TMOD3: variants seen among roughly 807,000 people sequenced by gnomAD.
TMOD3 encodes tropomodulin-3.
A neutral mutation model predicts 39.2 loss-of-function variants in TMOD3; 20 were observed. That is an observed-to-expected ratio of 0.51 (90% CI 0.36 to 0.74). The LOEUF (loss-of-function observed/expected upper bound fraction) is 0.74, where lower values mean the gene tolerates loss of function less well. TMOD3 is among the 30% of genes least tolerant of loss of function. The pLI, the probability that TMOD3 is intolerant of heterozygous loss-of-function variation, is 0.00. For synonymous variants in TMOD3, 143 were observed against 145.8 expected (o/e 0.98, Z 0.14); for missense variants, 381 against 412.8 (o/e 0.92, Z 0.67).
intron 9 of TMOD3, among the ~76,000 whole-genome samples, chr15:51,905,300 C>T (rs1352403329): frequency 1.3e-5 from 2 of 152,100 alleles, no homozygotes; most frequent in African/African-American, 4.8e-5. Context: ...GAGTTTGAGA[C>T]CAGCCTGGCC....
At position 51,896,430 on chromosome 15, in the gene TMOD3, T is replaced by A. The variant is rs1196308404; in HGVS notation, c.639T>A (p.Ile213=). 1 of 1,610,918 alleles carries A rather than the reference T, an allele frequency of 6.2e-7. No individual in the cohort carries two copies. ...VNLNNIKNIP[I]PTLKDFAKAL... The stretch of plus-strand genomic sequence containing the variant: ...TATTGTCTTTCAAGAATATCCCAAT[T>A]CCAACCCTAAAAGATTTTGCAAAGG... Residue 213 remains isoleucine (I), a synonymous_variant, in exon 7 of 10, where the codon ATT becomes ATA. Coordinates refer to ENST00000308580, the MANE Select transcript of TMOD3 (RefSeq NM_014547.5).
chr15:51,868,586 G>A (rs561204203), intron 2 of TMOD3, among the ~76,000 whole-genome samples: 1 of 152,208 alleles, frequency 6.6e-6, no homozygotes, highest in East Asian at 1.9e-4. Flanking sequence ...TGTGGTATGT[G>A]GTTAATAAAA....
chr15:51,868,313 A>C (rs976965966), intron 2 of TMOD3, among the ~76,000 whole-genome samples: 44 of 130,976 alleles, frequency 3.4e-4, no homozygotes, highest in Admixed American at 7.3e-4. Context: ...TTTTAAAAAA[A>C]ACGTTTTAAG....
chr15:51,845,417 A>T (rs774900080), intron 1 of TMOD3, among the ~76,000 whole-genome samples: 1 of 152,200 alleles, frequency 6.6e-6, no homozygotes, highest in Non-Finnish European at 1.5e-5. Context: ...GCTCACCCTC[A>T]GTCTGATGCT....
chr15:51,839,441 G>C, intron 1 of TMOD3, among the ~76,000 whole-genome samples: 1 of 152,136 alleles, frequency 6.6e-6, no homozygotes, highest in East Asian at 1.9e-4. Context: ...AAATTGCTGG[G>C]ATTACAGAGG....
At chr15:51,862,310 C>T (rs2056423314) in intron 1 of TMOD3, among the ~76,000 whole-genome samples, 1 of 152,098 alleles carries the variant, frequency 6.6e-6, no homozygotes, top group African/African-American at 2.4e-5. Context: ...TTTTCAAATG[C>T]ATCTTTTCAA....
chr15:51,853,210 G>C (rs2436661), intron 1 of TMOD3, among the ~76,000 whole-genome samples: 67 of 151,914 alleles, frequency 4.4e-4, no homozygotes, highest in African/African-American at 1.5e-3. Context: ...TTTATTGTTT[G>C]TTTATTTTTA....
intron 5 of TMOD3, among the ~76,000 whole-genome samples, chr15:51,891,932 A>C (rs1383697126): frequency 6.6e-6 from 1 of 152,200 alleles, no homozygotes; most frequent in Non-Finnish European, 1.5e-5. Flanking sequence ...TCTCTTCTCA[A>C]CTTCTACAGG....
intron 1 of TMOD3, among the ~76,000 whole-genome samples, chr15:51,856,349 C>T (rs1384784994): frequency 6.6e-6 from 1 of 152,184 alleles, no homozygotes; most frequent in Admixed American, 6.5e-5. Context: ...TTTATTGAAG[C>T]AGAATTGAAA....
chr15:51,872,596 A>AATTG (rs1555386625), intron 3 of TMOD3, among the ~76,000 whole-genome samples: 2 of 107,436 alleles, frequency 1.9e-5, no homozygotes, highest in East Asian at 5.3e-4. Context: ...TGAGGACCAA[A>AATTG]TTTGTTTTTT....
At chr15:51,867,912 G>C (rs2570253) in intron 2 of TMOD3, among the ~76,000 whole-genome samples, 69,202 of 151,950 alleles carry the variant, frequency 0.46, 15,995 homozygotes, top group Admixed American at 0.53. Flanking sequence ...ACCTTCCACT[G>C]CACCTCCCTC....
intron 8 of TMOD3, chr15:51,901,223 G>T (rs932273742): frequency 5.9e-5 from 9 of 152,198 alleles, no homozygotes; most frequent in African/African-American, 2.2e-4. Context: ...TCCATTTGGG[G>T]TGTGTCCACA....
At chr15:51,832,804 A>G (rs1471600801) in intron 1 of TMOD3, among the ~76,000 whole-genome samples, 2 of 152,226 alleles carry the variant, frequency 1.3e-5, no homozygotes, top group Non-Finnish European at 2.9e-5. Flanking sequence ...GTAGAGGAAA[A>G]AAAGGCTTTT....
intron 9 of TMOD3, among the ~76,000 whole-genome samples, chr15:51,904,172 CATT>C (rs2056666436): frequency 1.3e-5 from 2 of 152,304 alleles, no homozygotes. Flanking sequence ...CTGAGTTCAT[CATT>C]GTTATACATC....
At position 51,914,031 on chromosome 15, in the gene TMOD3, AAAG is replaced by A. The variant is rs1233040292; in HGVS notation, c.*5223_*5225del. ...TCTTATCTCAAAAAAAAAAAAAAAA[AAAG>A]AGCTATACTCATAGTACTTTGGGAG... On this transcript the variant is annotated 3_prime_UTR_variant, in exon 10 of 10. Coordinates refer to ENST00000308580, the MANE Select transcript of TMOD3 (RefSeq NM_014547.5). 6.6e-6 allele frequency: 1 copy of A among 151,580 alleles called. No homozygotes were observed. The highest frequency in any genetic ancestry group is 1.5e-5 in the Non-Finnish European group (1 of 67,950). The allele number at this position is 151,580 out of a possible 1,614,324, so 9.4% of individuals were successfully genotyped here.
rs781257089 is a variant in TMOD3, at chr15:51,893,792, G to A, written c.497-23G>A. ...AAAAAAAAAAATGGTATCAAATCCTGCTCTTTTCATTTATCACTGCAGATG... is the reference window on the plus strand; with the variant it reads ...AAAAAAAAAAATGGTATCAAATCCTACTCTTTTCATTTATCACTGCAGATG... On this transcript the variant is annotated intron_variant, in intron 5 of 9. Transcript: ENST00000308580. 6.7e-6 allele frequency: 10 copies of A among 1,484,106 alleles called. No individual in the cohort carries two copies. The Admixed American group carries it at 2.0e-4, about 30-fold the overall frequency. The allele number at this position is 1,484,106 out of a possible 1,614,324, so 91.9% of individuals were successfully genotyped here.
chr15:51,887,393 T>C (rs2056570421), intron 3 of TMOD3, among the ~76,000 whole-genome samples, 196 bp from the exon 4 acceptor site: 1 of 152,116 alleles, frequency 6.6e-6, no homozygotes, highest in Admixed American at 6.5e-5. Flanking sequence ...ATTTCTCAGT[T>C]GACCTTTTCT....
intron 1 of TMOD3, among the ~76,000 whole-genome samples, chr15:51,855,288 A>C (rs2056382431): frequency 1.3e-5 from 2 of 152,242 alleles, no homozygotes. Context: ...CTGGCAGCTT[A>C]TTAGAAATGC....
chr15:51,833,924 A>G (rs1420640320), intron 1 of TMOD3, among the ~76,000 whole-genome samples: 2 of 152,140 alleles, frequency 1.3e-5, no homozygotes, highest in Non-Finnish European at 2.9e-5. Flanking sequence ...CTTGCTCCGT[A>G]TTTTTAGTGT....
Sources: gnomAD v4.1 joint callset for allele counts (sites outside exome capture counted in the v4.1 genomes callset) on GRCh38, gnomAD v4.1.1 for gene constraint, MANE v1.5 for transcripts, NCBI Gene and HGNC (gene_info 2026-07-23, HGNC 2026-07-21) for gene names.